C1orf87: variants seen among roughly 807,000 people sequenced by gnomAD.
C1orf87 encodes uncharacterized protein C1orf87.
Under a neutral mutation model 60.5 loss-of-function variants are expected in C1orf87, and 58 were observed. The observed-to-expected ratio is 0.96, with a 90% CI of 0.78 to 1.19. The LOEUF is 1.19. Among genes scored for constraint, C1orf87 ranks in the 50% most tolerant of loss-of-function variants. C1orf87 has a pLI of 0.00. For synonymous variants in C1orf87, 236 were observed against 227.4 expected (o/e 1.04, Z -0.34); for missense variants, 673 against 638.6 (o/e 1.05, Z -0.58).
intron 2 of C1orf87, among the ~76,000 whole-genome samples, chr1:60,065,042 AAT>A (rs1428484258): frequency 1.3e-4 from 4 of 30,634 alleles, no homozygotes; most frequent in Admixed American, 3.3e-4. Flanking sequence ...ATATATATTT[AAT>A]AATATATAAA....
In C1orf87 at chr1:60,038,119, A is replaced by G. The variant is rs1645291529; in HGVS notation, c.748-12T>C. On this transcript the variant is annotated splice_polypyrimidine_tract_variant and intron_variant, in intron 5 of 11. Transcript: ENST00000371201. ...TTTTCATAATTCACCTGAAAATTAA[A>G]TGTAAAATAGAACATCCTCATTTAA... 2.0e-6 allele frequency: 3 copies of G among 1,472,792 alleles called. No individual in the cohort carries two copies. The highest frequency in any genetic ancestry group is 1.7e-5 in the Admixed American group (1 of 57,874). 91.2% of individuals were successfully genotyped at this position (1,472,792 alleles called of 1,614,324 possible).
chr1:59,990,833 C>T lies in C1orf87; in HGVS notation c.1481G>A (p.Gly494Glu). The T allele has an allele frequency of 6.2e-7, 1 of 1,613,544 alleles. No homozygotes were observed. Among genetic ancestry groups the T allele is most frequent in the African/African-American group, 1.3e-5 (1 of 74,954 alleles). ...ALYLCDLSNTGVLEKERARRL... is the reference protein window; with the variant it reads ...ALYLCDLSNTEVLEKERARRL... ...TCTGGCTCGTTCCTTCTCCAGAACT[C>T]CTGTGATTGGATTGGGTAGGAGGAA... Residue 494 changes from glycine (G) to glutamate (E), a missense_variant and splice_region_variant, in exon 12 of 12, where the codon GGA (glycine) becomes GAA (glutamate). Physicochemically the swap from Gly to Glu is moderately conservative, Grantham distance 98. Coordinates refer to ENST00000371201, the MANE Select transcript of C1orf87 (RefSeq NM_152377.3).
At chr1:60,013,576 T>C (rs1214363828) in intron 8 of C1orf87, among the ~76,000 whole-genome samples, 2 of 152,114 alleles carry the variant, frequency 1.3e-5, no homozygotes, top group African/African-American at 4.8e-5. Context: ...AAAAAATCAA[T>C]GGTTTTCTAA....
intron 8 of C1orf87, among the ~76,000 whole-genome samples, chr1:60,017,272 G>T (rs1645130152): frequency 6.6e-6 from 1 of 152,186 alleles, no homozygotes; most frequent in African/African-American, 2.4e-5. Context: ...CTAATAGCTT[G>T]CTACCTAACA....
At chr1:60,019,954 A>C (rs889976582) in intron 8 of C1orf87, among the ~76,000 whole-genome samples, 1 of 152,218 alleles carries the variant, frequency 6.6e-6, no homozygotes, top group Non-Finnish European at 1.5e-5. Context: ...AGAGCAAAAA[A>C]GTTTGGAAAA....
At chr1:59,993,568 C>T (rs1644940895) in intron 11 of C1orf87, among the ~76,000 whole-genome samples, 1 of 151,884 alleles carries the variant, frequency 6.6e-6, no homozygotes, top group South Asian at 2.1e-4. Flanking sequence ...ATCTTCTAAG[C>T]TTTACCATTG....
intron 11 of C1orf87, among the ~76,000 whole-genome samples, chr1:59,995,985 A>C (rs1198196239): frequency 2.0e-5 from 3 of 152,226 alleles, no homozygotes; most frequent in African/African-American, 7.2e-5. Context: ...CCTCTAACAC[A>C]GTTCTAGGCT....
intron 3 of C1orf87, among the ~76,000 whole-genome samples, chr1:60,041,967 TAAG>T: frequency 6.6e-6 from 1 of 152,286 alleles, no homozygotes; most frequent in South Asian, 2.1e-4. Context: ...TAGCTAGTCC[TAAG>T]CTGTTTGTTC....
At chr1:60,004,406 A>T (rs1645028376) in intron 9 of C1orf87, among the ~76,000 whole-genome samples, 1 of 152,016 alleles carries the variant, frequency 6.6e-6, no homozygotes, top group Non-Finnish European at 1.5e-5. Flanking sequence ...TTCCCCAGAG[A>T]AGAGAAACTA....
chr1:59,990,701 G>C lies in C1orf87; in HGVS notation c.1613C>G (p.Pro538Arg). ...TAGCTCCTTTAAGTACCGCAGTGCT[G>C]GCTCCAAGAGCATATTTTCTCCCGA... is the stretch of plus-strand genomic sequence containing the variant. ...FRSGENMLLE[P>R]ALRYLKEL The change falls in exon 12 of 12, where the codon CCA becomes CGA. Residue 538 changes from proline (P) to arginine (R), a missense_variant. Physicochemically the swap from Pro to Arg is moderately radical, Grantham distance 103 (BLOSUM62 -2). Transcript: ENST00000371201. 1 of 1,613,954 alleles carries C rather than the reference G, an allele frequency of 6.2e-7. No homozygotes were observed. The highest frequency in any genetic ancestry group is 8.5e-7 in the Non-Finnish European group (1 of 1,179,938).
Position 60,072,640 on chromosome 1 carries a change from A to T in C1orf87, c.4T>A (p.Ser2Thr). 2 of 1,604,130 alleles carry T rather than the reference A, an allele frequency of 1.2e-6. No individual in the cohort carries two copies. Among genetic ancestry groups the T allele is most frequent in the South Asian group, 1.1e-5 (1 of 89,158 alleles). M[S>T]SAWKTPRGSD... ...CCACGGGGAGTCTTCCAGGCTGAAG[A>T]CATGATTCCTTTCAAAATCCCTTCA... The change falls in exon 2 of 12, where the codon TCT becomes ACT. Residue 2 changes from serine to threonine, a missense_variant. Coordinates refer to ENST00000371201, the MANE Select transcript of C1orf87 (RefSeq NM_152377.3).
At chr1:59,998,347 G>T (rs1409414879) in intron 10 of C1orf87, among the ~76,000 whole-genome samples, 1 of 152,198 alleles carries the variant, frequency 6.6e-6, no homozygotes, top group African/African-American at 2.4e-5. Context: ...GAAAGTACAA[G>T]TGGTTTACTA....
chr1:59,997,265 A>C (rs1644969799), intron 11 of C1orf87, among the ~76,000 whole-genome samples: 1 of 152,176 alleles, frequency 6.6e-6, no homozygotes, highest in Non-Finnish European at 1.5e-5. Context: ...CCAGGTGGAT[A>C]GGGACCAGAT....
At chr1:60,058,997 A>G (rs1015312120) in intron 2 of C1orf87, among the ~76,000 whole-genome samples, 3 of 152,192 alleles carry the variant, frequency 2.0e-5, no homozygotes, top group Non-Finnish European at 1.5e-5. Context: ...GAAATGTAAA[A>G]TGTATCTGCC....
chr1:60,024,028 G>T (rs1359971561), intron 8 of C1orf87, among the ~76,000 whole-genome samples: 1 of 152,130 alleles, frequency 6.6e-6, no homozygotes, highest in African/African-American at 2.4e-5. Flanking sequence ...TTCTTGAACA[G>T]GAGAAGTGTA....
chr1:60,036,472 T>G (rs909696305), intron 6 of C1orf87, among the ~76,000 whole-genome samples: 1 of 152,192 alleles, frequency 6.6e-6, no homozygotes, highest in African/African-American at 2.4e-5. Context: ...TCTAGAAGAA[T>G]AGTTAAAAAT....
chr1:60,060,192 A>G (rs1645486042), intron 2 of C1orf87, among the ~76,000 whole-genome samples: 1 of 151,734 alleles, frequency 6.6e-6, no homozygotes, highest in Admixed American at 6.6e-5. Flanking sequence ...TCCTGAACCT[A>G]TACTTGAATC....
chr1:60,005,450 A>T (rs1377567506), intron 9 of C1orf87, among the ~76,000 whole-genome samples: 1 of 152,090 alleles, frequency 6.6e-6, no homozygotes, highest in Non-Finnish European at 1.5e-5. Flanking sequence ...AGCTAAAACC[A>T]ATGATTAGGG....
At chr1:60,000,986 A>G in intron 10 of C1orf87, 91 bp downstream of exon 10, 2 of 1,060,680 alleles carry the variant, frequency 1.9e-6, no homozygotes, top group East Asian at 2.6e-5. Flanking sequence ...GAAAATCAAA[A>G]CCCACAGGAG....
Sources: gnomAD v4.1 joint callset for allele counts (sites outside exome capture counted in the v4.1 genomes callset) on GRCh38, gnomAD v4.1.1 for gene constraint, MANE v1.5 for transcripts, NCBI Gene and HGNC (gene_info 2026-07-23, HGNC 2026-07-21) for gene names.